ALK: variants seen among roughly 807,000 people sequenced by gnomAD.
ALK encodes ALK receptor tyrosine kinase.
A neutral mutation model predicts 163.1 loss-of-function variants in ALK; 74 were observed. The observed-to-expected ratio is 0.45, with a 90% confidence interval of 0.38 to 0.55. The LOEUF is 0.55. Ranked by LOEUF, ALK falls within the 20% of genes least tolerant of loss-of-function variation. ALK has a pLI of 0.00. For missense variants in ALK, 2,063 were observed against 2,105.3 expected, an observed-to-expected ratio of 0.98 and a Z score of 0.39; for synonymous variants, 960 against 843.2, an observed-to-expected ratio of 1.14 and a Z score of -2.40.
intron 1 of ALK, among the ~76,000 whole-genome samples, chr2:29,885,577 G>T (rs1220233545): frequency 6.7e-6 from 1 of 150,332 alleles, no homozygotes; most frequent in Non-Finnish European, 1.5e-5. Flanking sequence ...AAAAAAAAAG[G>T]GTGGAGAATG....
intron 9 of ALK, among the ~76,000 whole-genome samples, chr2:29,277,398 G>C (rs1236779932): frequency 6.6e-6 from 1 of 152,190 alleles, no homozygotes; most frequent in East Asian, 1.9e-4. Context: ...ATGGAGCAAA[G>C]CCTTGAATCC....
At chr2:29,291,232 T>C (rs1206454559) in intron 9 of ALK, among the ~76,000 whole-genome samples, 1 of 151,706 alleles carries the variant, frequency 6.6e-6, no homozygotes, top group Non-Finnish European at 1.5e-5. Context: ...GGCATGGTGG[T>C]GCACGCCTGT....
At chr2:29,301,975 T>C (rs1666385726) in intron 8 of ALK, among the ~76,000 whole-genome samples, 1 of 152,224 alleles carries the variant, frequency 6.6e-6, no homozygotes, top group African/African-American at 2.4e-5. Flanking sequence ...CTTTGCTGCA[T>C]ACTCTGTTCT....
chr2:29,856,867 G>A (rs1057289786), intron 1 of ALK, among the ~76,000 whole-genome samples: 1 of 152,210 alleles, frequency 6.6e-6, no homozygotes, highest in Non-Finnish European at 1.5e-5. Context: ...GCGCTGAATT[G>A]GATGACCTCG....
intron 19 of ALK, among the ~76,000 whole-genome samples, chr2:29,224,275 G>T (rs890390983): frequency 6.6e-6 from 1 of 152,042 alleles, no homozygotes; most frequent in Non-Finnish European, 1.5e-5. Context: ...CTCTAATTCC[G>T]CCTCTTGTTA....
intron 1 of ALK, among the ~76,000 whole-genome samples, chr2:29,728,266 G>A (rs549813597): frequency 9.6e-4 from 147 of 152,332 alleles, no homozygotes; most frequent in African/African-American, 3.4e-3. Context: ...ATTTTCAAAC[G>A]CAGGAACTGA....
intron 5 of ALK, among the ~76,000 whole-genome samples, chr2:29,331,707 G>C (rs1667444271): frequency 6.6e-6 from 1 of 152,124 alleles, no homozygotes; most frequent in Admixed American, 6.5e-5. Context: ...TGTGTCCCAG[G>C]AGTCGAGAGC....
chr2:29,559,442 C>G (rs995586942), intron 3 of ALK, among the ~76,000 whole-genome samples: 7 of 152,194 alleles, frequency 4.6e-5, no homozygotes, highest in Admixed American at 1.3e-4. Flanking sequence ...TAATAGAGAA[C>G]TCCAGAATTA....
chr2:29,303,819 G>T (rs984754392), intron 8 of ALK, among the ~76,000 whole-genome samples: 10 of 152,152 alleles, frequency 6.6e-5, no homozygotes, highest in Non-Finnish European at 1.3e-4. Context: ...ACTTATGAGT[G>T]GGGGCTAAAC....
At chr2:29,809,933 G>C (rs1291517953) in intron 1 of ALK, among the ~76,000 whole-genome samples, 1 of 152,142 alleles carries the variant, frequency 6.6e-6, no homozygotes, top group Non-Finnish European at 1.5e-5. Context: ...ATCTTCCCAA[G>C]TCAGACTTGA....
chr2:29,623,502 C>T (rs1676099491), intron 3 of ALK, among the ~76,000 whole-genome samples: 1 of 71,352 alleles, frequency 1.4e-5, no homozygotes, highest in Non-Finnish European at 3.5e-5. Context: ...TAATACTTTA[C>T]ATGAACTCTT....
intron 8 of ALK, among the ~76,000 whole-genome samples, chr2:29,313,745 C>T (rs753519304): frequency 4.6e-5 from 7 of 152,180 alleles, no homozygotes; most frequent in Non-Finnish European, 8.8e-5. Context: ...CTCTGGAAAA[C>T]GAGTTGAATT....
chr2:29,403,796 CA>C, intron 4 of ALK, among the ~76,000 whole-genome samples: 1 of 149,422 alleles, frequency 6.7e-6, no homozygotes, highest in East Asian at 2.0e-4. Context: ...CTTGTAATAC[CA>C]GCTACTGGGG....
Position 29,875,392 on chromosome 2 carries a change from T to A in ALK, c.667+44601A>T, listed in dbSNP as rs191625257. Among the ~76,000 whole-genome samples the A allele has an allele frequency of 5.0e-4, 76 of 152,250 alleles. 1 individual carries two copies. Among genetic ancestry groups the A allele is most frequent in the African/African-American group, 1.8e-3 (73 of 41,540 alleles). ...TCACTCAATTGTACACTTACCACAA[T>A]AAAATATTTCTTTTTTTACCATTAC... On this transcript the variant is annotated intron_variant, in intron 1 of 28. Coordinates refer to ENST00000389048, the MANE Select transcript of ALK (RefSeq NM_004304.5).
At chr2:29,894,929 G>A (rs1222531271) in intron 1 of ALK, among the ~76,000 whole-genome samples, 1 of 151,988 alleles carries the variant, frequency 6.6e-6, no homozygotes, top group Admixed American at 6.6e-5. Flanking sequence ...CCTATAGAGA[G>A]ATGTAGCATT....
intron 15 of ALK, 80 bp downstream of exon 15, chr2:29,232,224 C>A (rs938974156): frequency 2.5e-5 from 39 of 1,586,190 alleles, no homozygotes; most frequent in Non-Finnish European, 3.2e-5. Context: ...ACTAAGATGC[C>A]CTCAGGCATG....
rs537154755 is a variant in ALK at position 29,317,217 on chromosome 2, C to T, written c.1647+1087G>A. On this transcript the variant is annotated intron_variant, in intron 8 of 28. Transcript: ENST00000389048. ...CTGGTCAGTTTCACAATGTCTACAA[C>T]TTGACAGGAAACAAATTGCTCAGAG... 5.3e-5 allele frequency among the ~76,000 whole-genome samples: 8 copies of T among 152,332 alleles called. 1 individual carries two copies. The South Asian group carries it at 1.2e-3, about 24-fold the overall frequency.
intron 1 of ALK, among the ~76,000 whole-genome samples, chr2:29,878,317 T>C (rs954552442): frequency 2.0e-5 from 3 of 152,146 alleles, no homozygotes; most frequent in African/African-American, 7.2e-5. Flanking sequence ...TCTAGGAGGT[T>C]GATTGAAAAT....
chr2:29,886,981 T>G (rs1667002315), intron 1 of ALK, among the ~76,000 whole-genome samples: 3 of 152,242 alleles, frequency 2.0e-5, no homozygotes, highest in Non-Finnish European at 4.4e-5. Flanking sequence ...CCAAGCATTT[T>G]GACTACTCTG....
Sources: allele counts gnomAD v4.1 joint callset (sites outside exome capture counted in the v4.1 genomes callset), GRCh38; gene constraint gnomAD v4.1.1; transcripts MANE v1.5; gene names NCBI Gene and HGNC (gene_info 2026-07-23, HGNC 2026-07-21).